The following NFYC variants were observed in gnomAD, a reference collection of about 807,000 sequenced individuals.
The protein encoded by NFYC is nuclear transcription factor Y subunit gamma, also known as CAAT box DNA-binding protein subunit C.
Under a neutral mutation model 53.1 loss-of-function variants are expected in NFYC, and 25 were observed. The observed-to-expected ratio is 0.47, with a 90% CI of 0.34 to 0.66. NFYC has a LOEUF of 0.66. Among genes scored for constraint, NFYC ranks in the 30% least tolerant of loss-of-function variants. The probability of loss-of-function intolerance (pLI) is 0.01; values close to 1 mark genes in which losing one functional copy is unlikely to be tolerated. For synonymous variants in NFYC, 145 were observed against 152.6 expected, an observed-to-expected ratio of 0.95 and a Z score of 0.37; for missense variants, 260 against 422.7, an observed-to-expected ratio of 0.62 and a Z score of 3.38.
chr1:40,753,105 A>G, intron 4 of NFYC, 46 bp from the exon 5 acceptor site: 1 of 1,409,700 alleles, frequency 7.1e-7, no homozygotes, highest in Non-Finnish European at 1.0e-6. Context: ...CAAGTGAACT[A>G]GTTTCTCCCC....
intron 1 of NFYC, among the ~76,000 whole-genome samples, chr1:40,737,127 CAAAAAAAAAAAAA>C (rs1161900883): frequency 1.1e-5 from 1 of 88,808 alleles, no homozygotes; most frequent in African/African-American, 4.4e-5. Flanking sequence ...AACTCTGTCT[CAAAAAAAAAAAAA>C]AAAAAAAAAG....
intron 1 of NFYC, among the ~76,000 whole-genome samples, chr1:40,710,015 T>G (rs762955027): frequency 2.5e-4 from 38 of 152,252 alleles, no homozygotes; most frequent in Non-Finnish European, 5.1e-4. Flanking sequence ...TTTTCAGATA[T>G]GGAAGCAACA....
At chr1:40,719,055 A>G (rs1644241274) in intron 1 of NFYC, among the ~76,000 whole-genome samples, 1 of 152,154 alleles carries the variant, frequency 6.6e-6, no homozygotes. Context: ...TATTTTTAGT[A>G]GAGACGGGGT....
chr1:40,743,405 G>A (rs1440975575), intron 2 of NFYC, among the ~76,000 whole-genome samples: 2 of 152,230 alleles, frequency 1.3e-5, no homozygotes, highest in Non-Finnish European at 2.9e-5. Context: ...GTTGAGTTTT[G>A]CCCCAGTGGG....
chr1:40,733,488 GA>G (rs899058720), intron 1 of NFYC, among the ~76,000 whole-genome samples: 3 of 144,646 alleles, frequency 2.1e-5, no homozygotes, highest in Admixed American at 6.8e-5. Context: ...CTGGCTTTGA[GA>G]AAAAAAAAAT....
chr1:40,707,865 A>C (rs943019488), intron 1 of NFYC, among the ~76,000 whole-genome samples: 16 of 151,622 alleles, frequency 1.1e-4, no homozygotes, highest in African/African-American at 3.9e-4. Context: ...AAAAAAAAAA[A>C]AGAATGAAAG....
intron 2 of NFYC, among the ~76,000 whole-genome samples, chr1:40,740,115 A>G (rs1273331887): frequency 6.6e-6 from 1 of 152,208 alleles, no homozygotes; most frequent in Admixed American, 6.5e-5. Context: ...TTTAGCACAT[A>G]CTAAAGGAGC....
chr1:40,746,666 C>T (rs1645621557), intron 2 of NFYC, among the ~76,000 whole-genome samples: 1 of 152,170 alleles, frequency 6.6e-6, no homozygotes, highest in African/African-American at 2.4e-5. Flanking sequence ...CATTGCAGCT[C>T]TGAAACTCAA....
intron 1 of NFYC, among the ~76,000 whole-genome samples, chr1:40,722,903 GAA>G (rs887130836): frequency 5.3e-5 from 8 of 151,966 alleles, no homozygotes; most frequent in Non-Finnish European, 7.4e-5. Context: ...AAACAGAAAA[GAA>G]AAAAGAGTGA....
rs374510231 is a variant in NFYC at position 40,747,503 on chromosome 1, C to T, written c.106-31C>T. 4 of 1,530,702 alleles carry T rather than the reference C, an allele frequency of 2.6e-6. No homozygotes were observed. The Admixed American group carries it at 6.7e-5, about 26-fold the overall frequency. 94.8% of individuals were successfully genotyped at this position (1,530,702 alleles called of 1,614,324 possible). A position where few individuals can be genotyped will look rare whatever the true frequency, so the allele number is the denominator to read the frequency against. ...TTTGCCACACTGTTGATTGTCCCCA[C>T]CATTTATGCATCTCTTGTTGTTCAT... is the stretch of plus-strand genomic sequence containing the variant. On this transcript the variant is annotated intron_variant, in intron 2 of 9. Coordinates refer to ENST00000447388, the MANE Select transcript of NFYC (RefSeq NM_014223.5).
chr1:40,692,598 A>G (rs1000215626), intron 1 of NFYC, among the ~76,000 whole-genome samples: 1 of 152,136 alleles, frequency 6.6e-6, no homozygotes, highest in Non-Finnish European at 1.5e-5. Context: ...CATCAGGGCT[A>G]GGGGCATAGC....
chr1:40,765,259 C>T (rs1646754247), intron 7 of NFYC, among the ~76,000 whole-genome samples: 1 of 152,210 alleles, frequency 6.6e-6, no homozygotes, highest in South Asian at 2.1e-4. Flanking sequence ...ACTGCAGGTC[C>T]TAATACTCTT....
intron 1 of NFYC, among the ~76,000 whole-genome samples, chr1:40,707,830 A>G (rs1177317069): frequency 1.3e-5 from 2 of 148,688 alleles, no homozygotes; most frequent in African/African-American, 5.0e-5. Flanking sequence ...AGCTTCGGTG[A>G]CAGAGCCAGA....
intron 1 of NFYC, chr1:40,735,469 G>A: frequency 2.6e-6 from 1 of 389,758 alleles, no homozygotes; most frequent in African/African-American, 2.2e-5. Context: ...CTGTAGTTGG[G>A]ACAGTTCAAA....
chr1:40,758,116 A>T lies in NFYC; in HGVS notation c.388-5A>T. The T allele has an allele frequency of 6.2e-7, 1 of 1,611,692 alleles. No individual in the cohort carries two copies. Among genetic ancestry groups the T allele is most frequent in the South Asian group, 1.1e-5 (1 of 90,952 alleles). ...CTCTTACCTGCCTCTCTTTCCACCC[A>T]ACAGGAGGAGGTGCGCCAGTCTGTA... On this transcript the variant is annotated splice_polypyrimidine_tract_variant and splice_region_variant and intron_variant, in intron 5 of 9. Coordinates refer to ENST00000447388, the MANE Select transcript of NFYC (RefSeq NM_014223.5).
intron 1 of NFYC, among the ~76,000 whole-genome samples, chr1:40,694,961 A>G (rs1557721350): frequency 6.6e-6 from 1 of 152,190 alleles, no homozygotes. Context: ...CTTTGGTCAG[A>G]ACTACTAGAG....
chr1:40,767,837 G>A (rs534442339), intron 8 of NFYC, among the ~76,000 whole-genome samples: 10 of 152,264 alleles, frequency 6.6e-5, no homozygotes, highest in African/African-American at 2.4e-4. Flanking sequence ...TTAGCTGGGC[G>A]TGGTGGTGCA....
At chr1:40,762,862 A>G (rs986292092) in intron 6 of NFYC, 26 bp from the exon 7 acceptor site, 1 of 1,542,986 alleles carries the variant, frequency 6.5e-7, no homozygotes, top group East Asian at 2.4e-5. Context: ...GAACTCACGC[A>G]GCATTCTCAT....
At chr1:40,764,064 T>C (rs1646697036) in intron 7 of NFYC, among the ~76,000 whole-genome samples, 1 of 152,258 alleles carries the variant, frequency 6.6e-6, no homozygotes, top group South Asian at 2.1e-4. Flanking sequence ...TTTCATTTCT[T>C]AGATTTGTTG....
Sources: allele counts gnomAD v4.1 joint callset (sites outside exome capture counted in the v4.1 genomes callset), GRCh38; gene constraint gnomAD v4.1.1; transcripts MANE v1.5; gene names NCBI Gene and HGNC (gene_info 2026-07-23, HGNC 2026-07-21).